Variants in TMEM87B observed in about 807,000 individuals in gnomAD.
TMEM87B encodes the protein transmembrane protein 87B.
TMEM87B carries 83 observed loss-of-function variants against 80.3 expected under a neutral mutation model. The observed-to-expected ratio is 1.03, with a 90% CI of 0.87 to 1.24. The LOEUF (loss-of-function observed/expected upper bound fraction) is 1.24, where lower values mean the gene tolerates loss of function less well. Ranked by LOEUF, TMEM87B falls within the 50% of genes most tolerant of loss-of-function variation. TMEM87B has a pLI of 0.00. For synonymous variants in TMEM87B, 219 were observed against 230.5 expected (o/e 0.95, Z 0.45); for missense variants, 625 against 674.4 (o/e 0.93, Z 0.81).
chr2:112,055,365 C>T lies in TMEM87B; in HGVS notation c.-227C>T, dbSNP rs1394770312. The T allele has an allele frequency of 3.8e-6, 2 of 525,298 alleles. No homozygotes were observed. Among genetic ancestry groups the T allele is most frequent in the East Asian group, 3.5e-5 (1 of 28,392 alleles). The allele number at this position is 525,298 out of a possible 1,614,324, so 32.5% of individuals were successfully genotyped here. ...TCTCTGCCTTCCAGGCATCTCCCAG[C>T]TGCACGCTCGGGCCCGGCTCAGAGC... On this transcript the variant is annotated 5_prime_UTR_variant, in exon 1 of 19. Transcript: ENST00000283206.
rs556801100 is a variant in TMEM87B at position 112,084,547 on chromosome 2, T to C, written c.839-1458T>C. Among the ~76,000 whole-genome samples the C allele has an allele frequency of 1.5e-4, 23 of 152,332 alleles. No homozygotes were observed. The South Asian group carries it at 4.8e-3, about 32-fold the overall frequency. ...ATACTGCCAGGAGACCTCAGGACCA[T>C]CTTTCACATCTTTCTTGGCTTCTTG... On this transcript the variant is annotated intron_variant, in intron 8 of 18. Transcript: ENST00000283206.
rs2104512927 is a variant in TMEM87B, at chr2:112,117,128, T to C, written c.*985T>C. ...ATACCTTATTTCGTTACATCATATA[T>C]TTGTAATGTGTAATATGAAATCTTT... is the stretch of plus-strand genomic sequence containing the variant. On this transcript the variant is annotated 3_prime_UTR_variant, in exon 19 of 19. Coordinates refer to ENST00000283206, the MANE Select transcript of TMEM87B (RefSeq NM_032824.3). 6.6e-6 allele frequency: 1 copy of C among 152,356 alleles called. No homozygotes were observed. The highest frequency in any genetic ancestry group is 2.1e-4 in the South Asian group (1 of 4,832). 9.4% of individuals were successfully genotyped at this position (152,356 alleles called of 1,614,324 possible).
chr2:112,102,863 G>A (rs1168704593), intron 15 of TMEM87B, among the ~76,000 whole-genome samples: 1 of 152,146 alleles, frequency 6.6e-6, no homozygotes, highest in Admixed American at 6.5e-5. Context: ...GTGAAATAGT[G>A]AACACTTTCT....
intron 5 of TMEM87B, among the ~76,000 whole-genome samples, chr2:112,076,842 TTGTGTG>T (rs70962982): frequency 0.081 from 11,262 of 139,032 alleles, 778 homozygotes; most frequent in African/African-American, 0.2. Flanking sequence ...CTTTTCTGTT[TTGTGTG>T]TGTGTGTGTG....
rs1423842176 is a variant in TMEM87B, at chr2:112,118,897, A to G, written c.*2754A>G. 1 of 152,190 alleles carries G rather than the reference A, an allele frequency of 6.6e-6. No individual in the cohort carries two copies. The highest frequency in any genetic ancestry group is 1.5e-5 in the Non-Finnish European group (1 of 68,008). The allele number at this position is 152,190 out of a possible 1,614,324, so 9.4% of individuals were successfully genotyped here. ...ATGCTATGCTAGATTTATAATCACTAGTTCTGGTACTTGTGTCTTTGTATG... is the reference window on the plus strand; with the variant it reads ...ATGCTATGCTAGATTTATAATCACTGGTTCTGGTACTTGTGTCTTTGTATG... On this transcript the variant is annotated 3_prime_UTR_variant, in exon 19 of 19. Transcript: ENST00000283206.
Position 112,098,641 on chromosome 2 carries a change from T to A in TMEM87B, c.1319T>A (p.Phe440Tyr). Residue 440 changes from phenylalanine (F) to tyrosine (Y), a missense_variant, in exon 14 of 19, where the codon TTT (phenylalanine) becomes TAT (tyrosine). By Grantham distance (22) the Phe-to-Tyr change is conservative. Transcript: ENST00000283206. ...GACGATGCATTTTGGAGCTTCCTTT[T>A]TTCGCTTATCCTTATTGTAATCATG... Reference protein sequence around the residue: ...WVDDAFWSFLFSLILIVIMFL... With the variant: ...WVDDAFWSFLYSLILIVIMFL... The A allele has an allele frequency of 6.2e-7, 1 of 1,614,196 alleles. No individual in the cohort carries two copies. The highest frequency in any genetic ancestry group is 8.5e-7 in the Non-Finnish European group (1 of 1,180,036).
At chr2:112,103,769 TA>T in intron 15 of TMEM87B, among the ~76,000 whole-genome samples, 1 of 152,326 alleles carries the variant, frequency 6.6e-6, no homozygotes, top group East Asian at 1.9e-4. Flanking sequence ...TCTCAAAATC[TA>T]ACTGTACTTC....
In TMEM87B at chr2:112,059,689, C is replaced by T. The variant is rs945308955; in HGVS notation, c.166-288C>T. Among the ~76,000 whole-genome samples, 6 of 152,202 alleles carry T rather than the reference C, an allele frequency of 3.9e-5. No homozygotes were observed. The South Asian group carries it at 1.0e-3, about 26-fold the overall frequency. ...ATGCAAATGCAGTCAGTTCATGTCA[C>T]GTCTGAGCAGCACTAATCCTGCAAT... On this transcript the variant is annotated intron_variant, in intron 1 of 18. Coordinates refer to ENST00000283206, the MANE Select transcript of TMEM87B (RefSeq NM_032824.3).
intron 17 of TMEM87B, among the ~76,000 whole-genome samples, chr2:112,109,478 CT>C (rs1199250226): frequency 6.6e-6 from 1 of 151,932 alleles, no homozygotes; most frequent in Non-Finnish European, 1.5e-5. Flanking sequence ...TCTTGATTGA[CT>C]TTTGTTTGAG....
chr2:112,063,558 C>T (rs1378934008), intron 2 of TMEM87B, among the ~76,000 whole-genome samples: 2 of 152,188 alleles, frequency 1.3e-5, no homozygotes, highest in African/African-American at 2.4e-5. Flanking sequence ...TGGGCATTTA[C>T]ATGTTTGGTC....
intron 5 of TMEM87B, among the ~76,000 whole-genome samples, chr2:112,076,572 T>C (rs1678823554): frequency 6.6e-6 from 1 of 151,998 alleles, no homozygotes. Context: ...ACTCCTGAGC[T>C]CAAGTGATCC....
At chr2:112,068,870 A>G (rs1321068055) in intron 4 of TMEM87B, among the ~76,000 whole-genome samples, 1 of 152,076 alleles carries the variant, frequency 6.6e-6, no homozygotes, top group Non-Finnish European at 1.5e-5. Flanking sequence ...TTTTATTTTC[A>G]GGGGTACATG....
chr2:112,055,870 C>A (rs1252351903), intron 1 of TMEM87B, 114 bp downstream of exon 1: 2 of 1,275,722 alleles, frequency 1.6e-6, no homozygotes, highest in African/African-American at 1.6e-5. Context: ...AGCACCGGGT[C>A]CCCTGATACC....
chr2:112,108,295 G>C (rs1250183121), intron 17 of TMEM87B, among the ~76,000 whole-genome samples: 1 of 152,116 alleles, frequency 6.6e-6, no homozygotes, highest in African/African-American at 2.4e-5. Flanking sequence ...CCAGATAGCT[G>C]TTTCCATAGT....
At chr2:112,060,329 A>AG (rs1678211104) in intron 2 of TMEM87B, among the ~76,000 whole-genome samples, 1 of 138,904 alleles carries the variant, frequency 7.2e-6, no homozygotes, top group African/African-American at 2.6e-5. Flanking sequence ...AGCCTGGGCG[A>AG]CACAGTGAGA....
chr2:112,100,191 C>T (rs1442890982), intron 14 of TMEM87B, among the ~76,000 whole-genome samples: 1 of 152,208 alleles, frequency 6.6e-6, no homozygotes, highest in Non-Finnish European at 1.5e-5. Flanking sequence ...GATTCACACT[C>T]CATCAGCAGT....
chr2:112,100,672 T>G lies in TMEM87B; in HGVS notation c.1427T>G (p.Phe476Cys). Reference sequence around the variant, plus strand: ...GATTCTGATGATGAAATTGAGGAATTCATGGTAACTTCTGAAAATTTAAGT... The same window carrying G: ...GATTCTGATGATGAAATTGAGGAATGCATGGTAACTTCTGAAAATTTAAGT... ...IDDSDDEIEE[F>C]MVTSENLTEG... The change falls in exon 15 of 19, where the codon TTC (phenylalanine) becomes TGC (cysteine). Residue 476 changes from phenylalanine (F) to cysteine (C), a missense_variant. Transcript: ENST00000283206. 6.2e-7 allele frequency: 1 copy of G among 1,608,898 alleles called. No homozygotes were observed. Among genetic ancestry groups the G allele is most frequent in the South Asian group, 1.1e-5 (1 of 90,570 alleles).
At chr2:112,093,693 A>G (rs1168490966) in intron 11 of TMEM87B, among the ~76,000 whole-genome samples, 5 of 152,192 alleles carry the variant, frequency 3.3e-5, no homozygotes, top group Non-Finnish European at 5.9e-5. Flanking sequence ...CATATTTTCT[A>G]TGTTAAAAAA....
At chr2:112,109,955 G>A (rs577711603) in intron 17 of TMEM87B, among the ~76,000 whole-genome samples, 1 of 151,736 alleles carries the variant, frequency 6.6e-6, no homozygotes, top group East Asian at 1.9e-4. Context: ...TAGTAGAGAC[G>A]GGGTTTCACC....
Sources: gnomAD v4.1 joint callset for allele counts (sites outside exome capture counted in the v4.1 genomes callset) on GRCh38, gnomAD v4.1.1 for gene constraint, MANE v1.5 for transcripts, NCBI Gene and HGNC (gene_info 2026-07-23, HGNC 2026-07-21) for gene names.